Variants in GPHN observed in about 807,000 individuals in gnomAD.
The protein encoded by GPHN is gephyrin.
GPHN carries 17 observed loss-of-function variants against 95.5 expected under a neutral mutation model. The observed-to-expected ratio is 0.18, with a 90% CI of 0.12 to 0.27. The LOEUF is 0.27. Ranked by LOEUF, GPHN falls within the 10% of genes least tolerant of loss-of-function variation. The probability of loss-of-function intolerance (pLI) is 1.00; values close to 1 mark genes in which losing one functional copy is unlikely to be tolerated. For synonymous variants in GPHN, 320 were observed against 322.5 expected (o/e 0.99, Z 0.08); for missense variants, 660 against 978.1 (o/e 0.67, Z 4.34).
chr14:66,687,201 A>G (rs1282165625), intron 2 of GPHN, among the ~76,000 whole-genome samples: 1 of 152,176 alleles, frequency 6.6e-6, no homozygotes, highest in Non-Finnish European at 1.5e-5. Flanking sequence ...GGACAGATCA[A>G]CGAGACAGAA....
intron 2 of GPHN, among the ~76,000 whole-genome samples, chr14:66,690,715 G>C (rs2067712437): frequency 6.6e-6 from 1 of 152,058 alleles, no homozygotes; most frequent in Non-Finnish European, 1.5e-5. Context: ...ATTTACATTT[G>C]TTATCTCCTT....
At chr14:66,973,631 C>T (rs758678918) in intron 9 of GPHN, among the ~76,000 whole-genome samples, 4 of 152,112 alleles carry the variant, frequency 2.6e-5, no homozygotes, top group East Asian at 3.9e-4. Flanking sequence ...TGGTGGTGGG[C>T]GCCTGTAATC....
intron 4 of GPHN, among the ~76,000 whole-genome samples, chr14:66,857,335 C>T (rs867764531): frequency 3.9e-5 from 6 of 151,980 alleles, no homozygotes; most frequent in Non-Finnish European, 7.4e-5. Context: ...GAAATCCTAA[C>T]GGTATAGTGT....
intron 4 of GPHN, among the ~76,000 whole-genome samples, chr14:66,852,122 A>G (rs1281098255): frequency 1.3e-5 from 2 of 152,258 alleles, no homozygotes; most frequent in Non-Finnish European, 2.9e-5. Context: ...TGAATTCAAA[A>G]TAATTTTCAA....
intron 4 of GPHN, among the ~76,000 whole-genome samples, chr14:66,865,826 A>T (rs1186709336): frequency 1.3e-5 from 2 of 152,168 alleles, no homozygotes; most frequent in African/African-American, 4.8e-5. Flanking sequence ...GGAAGCCTAA[A>T]TTTTTAAATA....
At chr14:67,164,566 A>G (rs1434375950) in intron 19 of GPHN, among the ~76,000 whole-genome samples, 1 of 151,902 alleles carries the variant, frequency 6.6e-6, no homozygotes, top group African/African-American at 2.4e-5. Context: ...ATCTCAGCTC[A>G]CTGCAACCTC....
chr14:67,124,392 C>A (rs976242870), intron 17 of GPHN, among the ~76,000 whole-genome samples: 5 of 152,000 alleles, frequency 3.3e-5, no homozygotes, highest in Admixed American at 6.6e-5. Context: ...GGCAACAAAG[C>A]GAGACTCCAG....
rs111644043 is a variant in GPHN at position 66,947,998 on chromosome 14, A to G, written c.829-17193A>G. On this transcript the variant is annotated intron_variant, in intron 8 of 22. Coordinates refer to ENST00000478722, the MANE Select transcript of GPHN (RefSeq NM_020806.5). ...ACTTTCATGAAATAGACAAGTAGTC[A>G]CCATATTCTGTTCCTATATTAAGTA... Among the ~76,000 whole-genome samples the G allele has an allele frequency of 3.1e-3, 471 of 152,346 alleles. 11 individuals are homozygous for G. Among genetic ancestry groups the G allele is most frequent in the African/African-American group, 0.011 (446 of 41,578 alleles).
At chr14:66,786,234 G>C (rs2059769676) in intron 3 of GPHN, among the ~76,000 whole-genome samples, 1 of 151,736 alleles carries the variant, frequency 6.6e-6, no homozygotes, top group Non-Finnish European at 1.5e-5. Context: ...TTCTTTAAAA[G>C]GATAATTAGG....
At chr14:67,536,342 TTCTC>T in the GPHN span, among the ~76,000 whole-genome samples, 6 of 151,854 alleles carry the variant, frequency 4.0e-5, no homozygotes, top group Non-Finnish European at 8.8e-5. Context: ...ACAAAGCTGT[TTCTC>T]TCCCACAATT....
At chr14:66,819,707 A>G (rs552491406) in intron 3 of GPHN, among the ~76,000 whole-genome samples, 1 of 152,112 alleles carries the variant, frequency 6.6e-6, no homozygotes, top group East Asian at 1.9e-4. Flanking sequence ...TACAAATTAC[A>G]AAGAATTCAA....
the GPHN span, among the ~76,000 whole-genome samples, chr14:67,358,787 T>C: frequency 1.3e-5 from 2 of 152,124 alleles, no homozygotes; most frequent in East Asian, 3.9e-4. Flanking sequence ...ACGTCAAAAT[T>C]TTCCTTACAA....
chr14:67,425,086 G>GT, the GPHN span, among the ~76,000 whole-genome samples: 1 of 152,060 alleles, frequency 6.6e-6, no homozygotes, highest in African/African-American at 2.4e-5. Flanking sequence ...TGTTTGCTTT[G>GT]TTTTGGTTTG....
chr14:67,489,174 G>A, the GPHN span, among the ~76,000 whole-genome samples: 246 of 152,302 alleles, frequency 1.6e-3, no homozygotes, highest in African/African-American at 5.8e-3. Flanking sequence ...CTGAGGGGCA[G>A]GAAGGGCAGA....
At chr14:67,671,647 T>C in the GPHN span, among the ~76,000 whole-genome samples, 15 of 152,246 alleles carry the variant, frequency 9.9e-5, no homozygotes, top group African/African-American at 2.9e-4. Flanking sequence ...CTTAGCTTTA[T>C]GTTGCTATAA....
At chr14:67,435,266 C>T in the GPHN span, among the ~76,000 whole-genome samples, 1 of 152,176 alleles carries the variant, frequency 6.6e-6, no homozygotes, top group African/African-American at 2.4e-5. Context: ...CACGCCCAGC[C>T]TTTTCCTCTT....
At chr14:66,585,136 A>T (rs887541338) in intron 1 of GPHN, among the ~76,000 whole-genome samples, 1 of 152,088 alleles carries the variant, frequency 6.6e-6, no homozygotes, top group Non-Finnish European at 1.5e-5. Context: ...TGTGTCCAGG[A>T]ATTTATCCAT....
At chr14:66,753,811 A>G (rs987344572) in intron 2 of GPHN, among the ~76,000 whole-genome samples, 2 of 152,100 alleles carry the variant, frequency 1.3e-5, no homozygotes, top group African/African-American at 2.4e-5. Flanking sequence ...ATGTAATTTC[A>G]AACATTTCCA....
chr14:67,068,335 A>G (rs1039637812), intron 11 of GPHN, among the ~76,000 whole-genome samples: 6 of 152,176 alleles, frequency 3.9e-5, no homozygotes, highest in Non-Finnish European at 7.4e-5. Context: ...GCCTATTACT[A>G]TTTTCAGCTC....
Sources: gnomAD v4.1 joint callset for allele counts (sites outside exome capture counted in the v4.1 genomes callset) on GRCh38, gnomAD v4.1.1 for gene constraint, MANE v1.5 for transcripts, NCBI Gene and HGNC (gene_info 2026-07-23, HGNC 2026-07-21) for gene names.